The following ANKS1B variants were observed in gnomAD, a reference collection of about 807,000 sequenced individuals.
ANKS1B encodes the protein ankyrin repeat and sterile alpha motif domain containing 1B.
In ANKS1B, 36 loss-of-function variants were observed where a neutral mutation model predicts 148.3. The ratio of observed to expected loss-of-function variants is 0.24; its 90% CI spans 0.19 to 0.32. The LOEUF (loss-of-function observed/expected upper bound fraction) is 0.32, where lower values mean the gene tolerates loss of function less well. Ranked by LOEUF, ANKS1B falls within the 10% of genes least tolerant of loss-of-function variation. The pLI is 1.00. For missense variants in ANKS1B, 1,157 were observed against 1,542.6 expected (o/e 0.75, Z 4.19); for synonymous variants, 542 against 560.8 (o/e 0.97, Z 0.47).
chr12:99,959,196 G>A (rs983214643), intron 1 of ANKS1B, among the ~76,000 whole-genome samples: 2 of 150,396 alleles, frequency 1.3e-5, no homozygotes, highest in Non-Finnish European at 3.0e-5. Flanking sequence ...GAGTAGCTTG[G>A]ACTACAGGTG....
chr12:98,935,272 T>C (rs1033230580), intron 17 of ANKS1B, among the ~76,000 whole-genome samples: 6 of 152,302 alleles, frequency 3.9e-5, no homozygotes, highest in Admixed American at 3.9e-4. Flanking sequence ...GTTAATGTGG[T>C]GCTAATTGGT....
chr12:99,016,774 A>C (rs1286908267), intron 17 of ANKS1B, among the ~76,000 whole-genome samples: 1 of 152,222 alleles, frequency 6.6e-6, no homozygotes, highest in Non-Finnish European at 1.5e-5. Context: ...GAAAAATCAA[A>C]ATGGAAAGAG....
chr12:98,917,544 CA>C (rs1352438092), intron 17 of ANKS1B, among the ~76,000 whole-genome samples: 1 of 152,206 alleles, frequency 6.6e-6, no homozygotes, highest in African/African-American at 2.4e-5. Flanking sequence ...ACAAGAAAAA[CA>C]GTCCAATTAA....
chr12:99,229,520 T>C (rs2086492254), intron 14 of ANKS1B, among the ~76,000 whole-genome samples: 1 of 151,972 alleles, frequency 6.6e-6, no homozygotes, highest in Non-Finnish European at 1.5e-5. Flanking sequence ...TCAAAAACAC[T>C]AGTGGATGAC....
At chr12:99,948,243 A>C (rs1337744723) in intron 1 of ANKS1B, among the ~76,000 whole-genome samples, 1 of 152,192 alleles carries the variant, frequency 6.6e-6, no homozygotes, top group African/African-American at 2.4e-5. Flanking sequence ...GACCTTGAAG[A>C]AGATTTTAAA....
chr12:98,824,807 G>C (rs2099234392), intron 19 of ANKS1B, among the ~76,000 whole-genome samples: 1 of 152,060 alleles, frequency 6.6e-6, no homozygotes, highest in African/African-American at 2.4e-5. Flanking sequence ...CACTGTGCAG[G>C]GTCTCTGCTG....
chr12:99,763,311 T>TA (rs2153610722), intron 8 of ANKS1B, among the ~76,000 whole-genome samples: 1 of 152,148 alleles, frequency 6.6e-6, no homozygotes, highest in East Asian at 1.9e-4. Flanking sequence ...TATGCAGCCA[T>TA]AAAAAAGAAT....
chr12:99,493,489 G>A (rs1395307120), intron 10 of ANKS1B, among the ~76,000 whole-genome samples: 1 of 152,156 alleles, frequency 6.6e-6, no homozygotes, highest in African/African-American at 2.4e-5. Flanking sequence ...AATAGTCCAG[G>A]ACAGTTATTG....
chr12:99,701,314 C>CA (rs1343032204), intron 8 of ANKS1B, among the ~76,000 whole-genome samples: 15 of 152,222 alleles, frequency 9.9e-5, no homozygotes, highest in African/African-American at 3.4e-4. Flanking sequence ...AAATGCTAAA[C>CA]AATAGTATAT....
intron 9 of ANKS1B, among the ~76,000 whole-genome samples, chr12:99,510,694 T>C (rs2096756442): frequency 6.6e-6 from 1 of 152,042 alleles, no homozygotes; most frequent in African/African-American, 2.4e-5. Context: ...ATAAACTTCA[T>C]TGATAAAGCA....
intron 8 of ANKS1B, among the ~76,000 whole-genome samples, chr12:99,669,059 T>C (rs954772126): frequency 2.0e-5 from 3 of 152,320 alleles, no homozygotes; most frequent in Admixed American, 6.5e-5. Flanking sequence ...AGCATATTTA[T>C]AGCAAATATT....
At chr12:99,049,658 G>A (rs896415951) in intron 17 of ANKS1B, among the ~76,000 whole-genome samples, 2 of 152,162 alleles carry the variant, frequency 1.3e-5, no homozygotes, top group Non-Finnish European at 2.9e-5. Flanking sequence ...AAACAGTCAT[G>A]TAAATATAGT....
chr12:99,089,143 C>T (rs1247365844), intron 15 of ANKS1B, among the ~76,000 whole-genome samples: 1 of 149,828 alleles, frequency 6.7e-6, no homozygotes, highest in Non-Finnish European at 1.5e-5. Flanking sequence ...AAACTGAACA[C>T]AACTCTAGCT....
At position 98,781,537 on chromosome 12, in the gene ANKS1B, T is replaced by A. The variant is rs1428122030; in HGVS notation, c.3355-334A>T. 3 of 436,836 alleles carry A rather than the reference T, an allele frequency of 6.9e-6. No individual in the cohort carries two copies. The East Asian group carries it at 1.8e-4, about 27-fold the overall frequency. The allele number at this position is 436,836 out of a possible 1,614,324, so 27.1% of individuals were successfully genotyped here. ...GTGAATGAAGAGGTCTGTCTCCTAC[T>A]GCAATTTCAAGTGACTGTTCCTTTC... On this transcript the variant is annotated intron_variant, in intron 23 of 26. Transcript: ENST00000683438.
At chr12:99,670,928 T>C (rs2098535077) in intron 8 of ANKS1B, among the ~76,000 whole-genome samples, 1 of 152,176 alleles carries the variant, frequency 6.6e-6, no homozygotes, top group Admixed American at 6.6e-5. Context: ...GGCTCTATTA[T>C]GTAAAACTGA....
At chr12:99,780,591 G>A (rs10745873) in intron 5 of ANKS1B, among the ~76,000 whole-genome samples, 95,230 of 151,956 alleles carry the variant, frequency 0.63, 29,934 homozygotes, top group South Asian at 0.67. Context: ...TGACCCTATG[G>A]TATCTTTGGG....
intron 17 of ANKS1B, among the ~76,000 whole-genome samples, chr12:99,025,916 G>A (rs919062096): frequency 1.5e-4 from 23 of 152,292 alleles, no homozygotes; most frequent in African/African-American, 5.5e-4. Flanking sequence ...AATGCCTGGT[G>A]TCATATATTG....
At chr12:98,930,445 A>G (rs1236759983) in intron 17 of ANKS1B, among the ~76,000 whole-genome samples, 1 of 152,200 alleles carries the variant, frequency 6.6e-6, no homozygotes, top group Non-Finnish European at 1.5e-5. Context: ...TACACCCAAG[A>G]GAATTGAAAA....
At chr12:99,465,545 C>T (rs908117777) in intron 10 of ANKS1B, among the ~76,000 whole-genome samples, 1 of 151,840 alleles carries the variant, frequency 6.6e-6, no homozygotes, top group Non-Finnish European at 1.5e-5. Flanking sequence ...ATTCAGGAAA[C>T]CCATCTCACG....
Sources: allele counts gnomAD v4.1 joint callset (sites outside exome capture counted in the v4.1 genomes callset), GRCh38; gene constraint gnomAD v4.1.1; transcripts MANE v1.5; gene names NCBI Gene and HGNC (gene_info 2026-07-23, HGNC 2026-07-21).